Variants in AGBL1 observed in about 807,000 individuals in gnomAD.
AGBL1 encodes AGBL carboxypeptidase 1.
A neutral mutation model predicts 118.9 loss-of-function variants in AGBL1; 130 were observed. The ratio of observed to expected loss-of-function variants is 1.09; its 90% CI spans 0.95 to 1.26. AGBL1 has a LOEUF of 1.26. Among genes scored for constraint, AGBL1 ranks in the 50% most tolerant of loss-of-function variants. The pLI is 0.00. For missense variants in AGBL1, 1,584 were observed against 1,298.1 expected (o/e 1.22, Z -3.38); for synonymous variants, 555 against 478.9 (o/e 1.16, Z -2.08).
intron 21 of AGBL1, among the ~76,000 whole-genome samples, chr15:86,648,651 A>T (rs2085324018): frequency 6.6e-6 from 1 of 152,206 alleles, no homozygotes; most frequent in Admixed American, 6.5e-5. Context: ...AGTAAATTTG[A>T]CTTATTCCTG....
At chr15:86,309,538 G>A (rs770501079) in intron 17 of AGBL1, among the ~76,000 whole-genome samples, 8 of 152,020 alleles carry the variant, frequency 5.3e-5, no homozygotes, top group Non-Finnish European at 8.8e-5. Flanking sequence ...ATTTAGCTGT[G>A]GGCTTGTCAT....
chr15:86,209,438 T>A (rs1195529708), intron 5 of AGBL1, among the ~76,000 whole-genome samples: 1 of 152,166 alleles, frequency 6.6e-6, no homozygotes, highest in Non-Finnish European at 1.5e-5. Context: ...CCATTATTAT[T>A]GTGTGGGAGT....
chr15:86,641,461 T>A (rs2142468847), intron 21 of AGBL1, among the ~76,000 whole-genome samples: 1 of 152,114 alleles, frequency 6.6e-6, no homozygotes, highest in Non-Finnish European at 1.5e-5. Flanking sequence ...CCATGAGAAC[T>A]CCCTAGTCAC....
At chr15:86,903,168 C>G (rs1171695179) in intron 22 of AGBL1, among the ~76,000 whole-genome samples, 1 of 151,412 alleles carries the variant, frequency 6.6e-6, no homozygotes, top group Non-Finnish European at 1.5e-5. Context: ...TTTCCTCTGC[C>G]TTCTCCTTTC....
intron 22 of AGBL1, among the ~76,000 whole-genome samples, chr15:86,706,990 A>T (rs1596389100): frequency 6.6e-6 from 1 of 152,118 alleles, no homozygotes; most frequent in South Asian, 2.1e-4. Flanking sequence ...ATAATAAGAG[A>T]TGGACTTTGC....
rs74025756 is a variant in AGBL1 at position 86,995,636 on chromosome 15, C to T, written c.3323+7548C>T. On this transcript the variant is annotated intron_variant, in intron 24 of 24. Transcript: ENST00000441037. The stretch of plus-strand genomic sequence containing the variant: ...TTTGAAAATACAGTGGTAGAAAATT[C>T]GCCTGACCTGAGGGGCAGCTTTTTG... Among the ~76,000 whole-genome samples, 457 of 152,236 alleles carry T rather than the reference C, an allele frequency of 3.0e-3. 2 individuals carry two copies. The highest frequency in any genetic ancestry group is 9.8e-3 in the African/African-American group (407 of 41,562).
At chr15:86,494,487 A>T (rs4243101) in intron 18 of AGBL1, among the ~76,000 whole-genome samples, 67,381 of 151,752 alleles carry the variant, frequency 0.44, 15,912 homozygotes, top group East Asian at 0.68. Context: ...GTTTTGTATG[A>T]TCTGCAGGAT....
chr15:86,554,554 G>A lies in AGBL1; in HGVS notation c.2994+17G>A. The A allele has an allele frequency of 2.0e-6, 3 of 1,465,334 alleles. No individual in the cohort carries two copies. Among genetic ancestry groups the A allele is most frequent in the Non-Finnish European group, 2.7e-6 (3 of 1,108,980 alleles). 90.8% of individuals were successfully genotyped at this position (1,465,334 alleles called of 1,614,324 possible). A position where few individuals can be genotyped will look rare whatever the true frequency, so the allele number is the denominator to read the frequency against. On this transcript the variant is annotated intron_variant, in intron 21 of 22. Coordinates refer to ENST00000614907, the MANE Select transcript of AGBL1 (RefSeq NM_001386094.1). Reference sequence around the variant, plus strand: ...CCTTATCAGGTATGTGAGGCTGCAGGACACCCATACTTTCTGTCCAGCAAC... The same window carrying A: ...CCTTATCAGGTATGTGAGGCTGCAGAACACCCATACTTTCTGTCCAGCAAC...
Position 86,338,818 on chromosome 15 carries a change from C to T in AGBL1, c.2374+43410C>T, listed in dbSNP as rs138145605. Among the ~76,000 whole-genome samples the T allele has an allele frequency of 1.9e-3, 295 of 152,204 alleles. 1 individual carries two copies. The highest frequency in any genetic ancestry group is 0.017 in the Middle Eastern group (5 of 294). On this transcript the variant is annotated intron_variant, in intron 17 of 22. Transcript: ENST00000614907. ...GCTTCCTGGACCATTGAAAAAGAGTCGTGAGAGTGGATCTCCTTGCTCTGC... is the reference window on the plus strand; with the variant it reads ...GCTTCCTGGACCATTGAAAAAGAGTTGTGAGAGTGGATCTCCTTGCTCTGC...
intron 7 of AGBL1, among the ~76,000 whole-genome samples, chr15:86,253,825 A>G (rs1188637651): frequency 6.6e-6 from 1 of 152,164 alleles, no homozygotes; most frequent in Admixed American, 6.5e-5. Context: ...TTGTTGTATA[A>G]CTGTCACTAC....
chr15:86,208,167 A>C (rs2078026560), intron 5 of AGBL1, among the ~76,000 whole-genome samples: 1 of 152,164 alleles, frequency 6.6e-6, no homozygotes, highest in Non-Finnish European at 1.5e-5. Context: ...CCAGGAATGA[A>C]GCCTACTTGA....
At chr15:86,883,751 G>A (rs372565138) in intron 22 of AGBL1, among the ~76,000 whole-genome samples, 5 of 152,130 alleles carry the variant, frequency 3.3e-5, no homozygotes, top group African/African-American at 9.6e-5. Flanking sequence ...CTAAATTAAT[G>A]AATAGATAAA....
At chr15:86,981,582 T>C (rs73449109) in intron 23 of AGBL1, among the ~76,000 whole-genome samples, 1,639 of 152,336 alleles carry the variant, frequency 0.011, 28 homozygotes, top group African/African-American at 0.038. Context: ...AGTTCTAGTA[T>C]AAACCTTTGA....
chr15:86,266,932 A>G (rs1204534825), intron 12 of AGBL1, 58 bp from the exon 13 acceptor site: 2 of 1,268,904 alleles, frequency 1.6e-6, no homozygotes, highest in South Asian at 2.6e-5. Flanking sequence ...GAATCATCAC[A>G]CTGTTTTCAA....
In AGBL1 at chr15:86,814,707, T is replaced by A. The variant is rs574207773; in HGVS notation, c.3159-92380T>A. On this transcript the variant is annotated intron_variant, in intron 22 of 22. Transcript: ENST00000614907. ...CTGGAGCTGCCATATCAGGCCAACA[T>A]CCAGGGAAAGGTCTAGGTTTATTTT... Among the ~76,000 whole-genome samples the A allele has an allele frequency of 5.9e-5, 9 of 152,250 alleles. No individual in the cohort carries two copies. The East Asian group carries it at 1.4e-3, about 23-fold the overall frequency.
chr15:86,442,334 TG>T (rs1221275246), intron 18 of AGBL1, among the ~76,000 whole-genome samples: 3 of 152,338 alleles, frequency 2.0e-5, no homozygotes, highest in African/African-American at 7.2e-5. Flanking sequence ...CAGACAGAGC[TG>T]GTTTCAGGTT....
At chr15:86,875,124 C>G (rs1253656257) in intron 22 of AGBL1, among the ~76,000 whole-genome samples, 1 of 152,086 alleles carries the variant, frequency 6.6e-6, no homozygotes, top group East Asian at 1.9e-4. Flanking sequence ...GTTCATGACC[C>G]CCAGAGAAAA....
At chr15:86,820,242 C>G (rs1158913408) in intron 22 of AGBL1, among the ~76,000 whole-genome samples, 3 of 152,142 alleles carry the variant, frequency 2.0e-5, no homozygotes, top group African/African-American at 7.2e-5. Flanking sequence ...GCAAAGACTT[C>G]ATGACTAAAA....
chr15:86,554,775 T>C (rs183164999), intron 21 of AGBL1, among the ~76,000 whole-genome samples: 2 of 152,144 alleles, frequency 1.3e-5, no homozygotes, highest in Non-Finnish European at 2.9e-5. Context: ...CTGCCCTCAC[T>C]AGCAAGCAGC....
Sources: gnomAD v4.1 joint callset for allele counts (sites outside exome capture counted in the v4.1 genomes callset) on GRCh38, gnomAD v4.1.1 for gene constraint, MANE v1.5 for transcripts, NCBI Gene and HGNC (gene_info 2026-07-23, HGNC 2026-07-21) for gene names.